RAD54B: variants seen among roughly 807,000 people sequenced by gnomAD.
RAD54B encodes DNA repair and recombination protein RAD54B.
In RAD54B, 78 loss-of-function variants were observed where a neutral mutation model predicts 95.8. The observed-to-expected ratio is 0.81, with a 90% CI of 0.68 to 0.98. The LOEUF (loss-of-function observed/expected upper bound fraction) is 0.98, where lower values mean the gene tolerates loss of function less well. Ranked by LOEUF, RAD54B falls within the 50% of genes least tolerant of loss-of-function variation. The pLI is 0.00. For synonymous variants in RAD54B, 328 were observed against 354.9 expected, an observed-to-expected ratio of 0.92 and a Z score of 0.85; for missense variants, 957 against 1,056.6, an observed-to-expected ratio of 0.91 and a Z score of 1.31.
At chr8:94,433,919 C>G (rs373167090) in intron 3 of RAD54B, among the ~76,000 whole-genome samples, 1 of 151,546 alleles carries the variant, frequency 6.6e-6, no homozygotes, top group Non-Finnish European at 1.5e-5. Flanking sequence ...ACTACCCATA[C>G]GTTACTTACT....
At chr8:94,439,014 C>T (rs1415251100) in intron 3 of RAD54B, among the ~76,000 whole-genome samples, 1 of 152,130 alleles carries the variant, frequency 6.6e-6, no homozygotes, top group African/African-American at 2.4e-5. Context: ...ATCACTTGAG[C>T]TCAAGAGGTT....
chr8:94,394,442 A>C (rs975791523), intron 8 of RAD54B, among the ~76,000 whole-genome samples: 2 of 152,186 alleles, frequency 1.3e-5, no homozygotes, highest in African/African-American at 4.8e-5. Context: ...TAAAGATAAT[A>C]AATTCCCAGA....
At chr8:94,429,685 A>T in intron 3 of RAD54B, 4 of 983,354 alleles carry the variant, frequency 4.1e-6, no homozygotes, top group Non-Finnish European at 4.8e-6. Context: ...GAAAAGTCAT[A>T]GCACAGATTA....
At chr8:94,397,271 C>A (rs1158707126) in intron 8 of RAD54B, among the ~76,000 whole-genome samples, 1 of 152,102 alleles carries the variant, frequency 6.6e-6, no homozygotes, top group Non-Finnish European at 1.5e-5. Context: ...TAATAAGGAA[C>A]AAATCATCTT....
At chr8:94,415,747 GC>G in intron 3 of RAD54B, among the ~76,000 whole-genome samples, 2 of 146,348 alleles carry the variant, frequency 1.4e-5, no homozygotes, top group African/African-American at 4.9e-5. Flanking sequence ...CATTTATGCA[GC>G]CAAAAAACAC....
At chr8:94,462,778 A>C (rs1451362833) in intron 2 of RAD54B, among the ~76,000 whole-genome samples, 1 of 152,160 alleles carries the variant, frequency 6.6e-6, no homozygotes, top group Admixed American at 6.5e-5. Flanking sequence ...GCCCCACTTC[A>C]GTTTTAAAAA....
At chr8:94,466,186 T>C (rs761106873) in intron 2 of RAD54B, among the ~76,000 whole-genome samples, 6 of 152,028 alleles carry the variant, frequency 3.9e-5, no homozygotes, top group Admixed American at 2.0e-4. Context: ...TTAACCACAA[T>C]AAAAAAGAAG....
At position 94,380,376 on chromosome 8, in the gene RAD54B, G is replaced by C; in HGVS notation, c.2016C>G (p.Thr672=). 6.2e-7 allele frequency: 1 copy of C among 1,613,292 alleles called. No individual in the cohort carries two copies. Among genetic ancestry groups the C allele is most frequent in the Non-Finnish European group, 8.5e-7 (1 of 1,179,482 alleles). ...KVVLVSNYTQ[T]LNILQEVCKR... The stretch of plus-strand genomic sequence containing the variant: ...TACATACTTCTTGTAAAATGTTCAA[G>C]GTTTGTGTATAGTTGGATACCAACA... Residue 672 remains threonine (T), a synonymous_variant, in exon 12 of 15, where the codon ACC becomes ACG. Transcript: ENST00000336148.
intron 3 of RAD54B, among the ~76,000 whole-genome samples, chr8:94,424,163 G>A (rs189877882): frequency 6.6e-6 from 1 of 152,266 alleles, no homozygotes; most frequent in African/African-American, 2.4e-5. Context: ...AAGATTCTCG[G>A]ATATACACTT....
At chr8:94,469,876 A>G (rs1813124850) in intron 1 of RAD54B, among the ~76,000 whole-genome samples, 1 of 152,236 alleles carries the variant, frequency 6.6e-6, no homozygotes, top group Non-Finnish European at 1.5e-5. Context: ...TTTAAAATAT[A>G]AATCAAGAGA....
chr8:94,380,018 G>A (rs1264906439), intron 12 of RAD54B, 127 bp downstream of exon 12: 28 of 1,030,394 alleles, frequency 2.7e-5, no homozygotes, highest in Non-Finnish European at 3.7e-5. Context: ...ACTTAGGAGA[G>A]TGCCTCACGC....
intron 2 of RAD54B, among the ~76,000 whole-genome samples, chr8:94,461,533 A>T (rs917163714): frequency 3.3e-5 from 5 of 151,888 alleles, no homozygotes; most frequent in South Asian, 2.1e-4. Flanking sequence ...AACCTGATAA[A>T]TTTTTTTTAT....
chr8:94,404,440 A>G (rs1811336815), intron 5 of RAD54B, among the ~76,000 whole-genome samples: 1 of 152,208 alleles, frequency 6.6e-6, no homozygotes, highest in Non-Finnish European at 1.5e-5. Context: ...ATTTCATGCA[A>G]AGAATTACGA....
intron 1 of RAD54B, 116 bp from the exon 2 acceptor site, chr8:94,467,671 C>G (rs984385293): frequency 2.3e-5 from 23 of 1,004,766 alleles, no homozygotes; most frequent in African/African-American, 2.1e-4. Context: ...TATGGGCCTG[C>G]CTGGCCCCCC....
At chr8:94,459,763 G>A (rs962092785) in intron 2 of RAD54B, among the ~76,000 whole-genome samples, 1 of 151,918 alleles carries the variant, frequency 6.6e-6, no homozygotes, top group African/African-American at 2.4e-5. Flanking sequence ...AGGAGGCTGA[G>A]GCAGGAGAAT....
intron 14 of RAD54B, 52 bp downstream of exon 14, chr8:94,378,128 C>T (rs915386185): frequency 4.6e-6 from 6 of 1,308,858 alleles, no homozygotes; most frequent in Non-Finnish European, 6.2e-6. Context: ...CAACTGCTAA[C>T]AAGAAATAAA....
chr8:94,459,864 A>G (rs1206062329), intron 2 of RAD54B, among the ~76,000 whole-genome samples: 1 of 149,886 alleles, frequency 6.7e-6, no homozygotes, highest in Non-Finnish European at 1.5e-5. Flanking sequence ...TGTCTCAAAA[A>G]AATAAAAAAT....
intron 3 of RAD54B, among the ~76,000 whole-genome samples, chr8:94,441,072 T>C (rs1586025814): frequency 6.6e-6 from 1 of 151,758 alleles, no homozygotes; most frequent in South Asian, 2.1e-4. Context: ...TCCCTGCTCT[T>C]TTCTGTTTCA....
At chr8:94,436,457 C>T (rs137941465) in intron 3 of RAD54B, 20 of 1,489,824 alleles carry the variant, frequency 1.3e-5, no homozygotes, top group East Asian at 7.4e-5. Context: ...AGATAGGAGG[C>T]GCCATAATTT....
Sources: gnomAD v4.1 joint callset for allele counts (sites outside exome capture counted in the v4.1 genomes callset) on GRCh38, gnomAD v4.1.1 for gene constraint, MANE v1.5 for transcripts, NCBI Gene and HGNC (gene_info 2026-07-23, HGNC 2026-07-21) for gene names.